MYH1: variants seen among roughly 807,000 people sequenced by gnomAD.
MYH1 encodes myosin-1.
Under a neutral mutation model 225.6 loss-of-function variants are expected in MYH1, and 214 were observed. The observed-to-expected ratio is 0.95, with a 90% CI of 0.85 to 1.06. The LOEUF (loss-of-function observed/expected upper bound fraction) is 1.06, where lower values mean the gene tolerates loss of function less well. MYH1 is among the 50% of genes least tolerant of loss of function. The pLI is 0.00. For missense variants in MYH1, 2,098 were observed against 2,344.2 expected (o/e 0.89, Z 2.17); for synonymous variants, 774 against 842.3 (o/e 0.92, Z 1.40).
chr17:10,517,182 T>C (rs762456241), intron 2 of MYH1, among the ~76,000 whole-genome samples: 28 of 152,254 alleles, frequency 1.8e-4, no homozygotes, highest in Non-Finnish European at 2.8e-4. Flanking sequence ...AAAAGAACAA[T>C]AGGAATATGT....
chr17:10,507,999 G>C (rs765976747), intron 16 of MYH1, 43 bp from the exon 17 acceptor site: 2 of 1,402,660 alleles, frequency 1.4e-6, no homozygotes, highest in South Asian at 2.5e-5. Context: ...CCTTTCTCTG[G>C]TTATGGTTTT....
rs931525527 is a variant in MYH1 at position 10,505,725 on chromosome 17, A to C, written c.2174+87T>G. On this transcript the variant is annotated intron_variant, in intron 19 of 39. Transcript: ENST00000226207. ...TGAGTTTATCTTCTCTTCAATTTTA[A>C]GAGGAGGTATAAAGGATTCTTTCAT... 25 of 1,537,910 alleles carry C rather than the reference A, an allele frequency of 1.6e-5. 1 individual carries two copies. Among genetic ancestry groups the C allele is most frequent in the Non-Finnish European group, 2.7e-6 (3 of 1,127,302 alleles).
Position 10,513,899 on chromosome 17 carries a change from A to G in MYH1, c.663T>C (p.Asp221=). ...TSGKMQGTLE[D]QIISANPLLE... ...GTAGGGGGTTGGCACTGATGATTTGATCTTCCAGAGTCCCCTGCAAAGGCA... is the reference window on the plus strand; with the variant it reads ...GTAGGGGGTTGGCACTGATGATTTGGTCTTCCAGAGTCCCCTGCAAAGGCA... Residue 221 remains aspartate (D), a synonymous_variant, in exon 8 of 40, where the codon GAT becomes GAC. Coordinates refer to ENST00000226207, the MANE Select transcript of MYH1 (RefSeq NM_005963.4). 6.2e-7 allele frequency: 1 copy of G among 1,614,100 alleles called. No homozygotes were observed. The highest frequency in any genetic ancestry group is 8.5e-7 in the Non-Finnish European group (1 of 1,179,980).
At chr17:10,515,614 G>T (rs146728613) in intron 5 of MYH1, among the ~76,000 whole-genome samples, 25 of 152,228 alleles carry the variant, frequency 1.6e-4, no homozygotes, top group African/African-American at 5.8e-4. Flanking sequence ...TGATTCAGTT[G>T]TTACTTAATC....
chr17:10,513,817 T>A lies in MYH1; in HGVS notation c.741+4A>T. On this transcript the variant is annotated splice_donor_region_variant and intron_variant, in intron 8 of 39. Coordinates refer to ENST00000226207, the MANE Select transcript of MYH1 (RefSeq NM_005963.4). ...GAAGACCCTTTGGCAACCAAGAGAC[T>A]TACAAAGCGAGAGGAGTTGTCATTC... 2 of 1,614,140 alleles carry A rather than the reference T, an allele frequency of 1.2e-6. No individual in the cohort carries two copies. The highest frequency in any genetic ancestry group is 1.1e-5 in the South Asian group (1 of 91,086).
At chr17:10,508,884 A>G (rs1489655124) in intron 15 of MYH1, among the ~76,000 whole-genome samples, 1 of 152,236 alleles carries the variant, frequency 6.6e-6, no homozygotes, top group Non-Finnish European at 1.5e-5. Context: ...CTGGGATATG[A>G]CAGAGTAAGA....
intron 17 of MYH1, 49 bp downstream of exon 17, chr17:10,507,837 T>A: frequency 6.6e-7 from 1 of 1,507,270 alleles, no homozygotes; most frequent in South Asian, 1.1e-5. Context: ...CACCATAGAG[T>A]ACATTTAATA....
rs2073126922 is a variant in MYH1, at chr17:10,507,699, C to G, written c.1968+187G>C. Among the ~76,000 whole-genome samples, 4 of 152,140 alleles carry G rather than the reference C, an allele frequency of 2.6e-5. No homozygotes were observed. In the South Asian group the frequency reaches 8.3e-4, roughly 32 times the overall value. On this transcript the variant is annotated intron_variant, in intron 17 of 39. Coordinates refer to ENST00000226207, the MANE Select transcript of MYH1 (RefSeq NM_005963.4). Reference sequence around the variant, plus strand: ...GTGTCTTCTGAATAGTGAGGTATCTCTTCCAAACTATCCCCTCTTCCAAAC... The same window carrying G: ...GTGTCTTCTGAATAGTGAGGTATCTGTTCCAAACTATCCCCTCTTCCAAAC...
At position 10,512,162 on chromosome 17, in the gene MYH1, A is replaced by C; in HGVS notation, c.1178T>G (p.Leu393Arg). The C allele has an allele frequency of 6.2e-7, 1 of 1,614,174 alleles. No individual in the cohort carries two copies. Among genetic ancestry groups the C allele is most frequent in the South Asian group, 1.1e-5 (1 of 91,084 alleles). Residue 393 changes from leucine to arginine, a missense_variant, in exon 13 of 40, where the codon CTG becomes CGG. Transcript: ENST00000226207. ...GGCTTTGAGCAGATCTGCAGAGTTC[A>C]GATTTTGGAGATAGGCTGCCTTGTC... ...VADKAAYLQN[L>R]NSADLLKALC...
intron 33 of MYH1, 100 bp downstream of exon 33, chr17:10,496,969 G>A (rs1263097593): frequency 1.0e-5 from 15 of 1,482,640 alleles, no homozygotes; most frequent in Admixed American, 2.2e-5. Flanking sequence ...AGTTCATGGA[G>A]CAAAAATTAT....
chr17:10,500,362 T>TTA lies in MYH1; in HGVS notation c.3865+262_3865+263dup, dbSNP rs111335253. Among the ~76,000 whole-genome samples the TTA allele has an allele frequency of 7.2e-3, 1,057 of 147,568 alleles. 2 individuals are homozygous for TTA. The highest frequency in any genetic ancestry group is 0.017 in the African/African-American group (686 of 40,468). On this transcript the variant is annotated intron_variant, in intron 28 of 39. Transcript: ENST00000226207. ...ATTCTATTTATCTCTCTCTCTCTCT[T>TTA]TATATATATATATATATGTATGTAT...
At chr17:10,497,497 A>T in intron 31 of MYH1, 45 bp from the exon 32 acceptor site, 1 of 1,576,610 alleles carries the variant, frequency 6.3e-7, no homozygotes, top group Non-Finnish European at 8.6e-7. Context: ...ACAAAATTTG[A>T]TGAGATAAAA....
chr17:10,509,617 A>C lies in MYH1; in HGVS notation c.1455T>G (p.Asn485Lys), dbSNP rs139784755. 6 of 1,614,056 alleles carry C rather than the reference A, an allele frequency of 3.7e-6. No individual in the cohort carries two copies. Among genetic ancestry groups the C allele is most frequent in the Non-Finnish European group, 1.7e-6 (2 of 1,180,038 alleles). Residue 485 changes from asparagine to lysine, a missense_variant, in exon 15 of 40, where the codon AAT (asparagine) becomes AAG (lysine). Asn to Lys is a moderately conservative substitution (Grantham distance 94, BLOSUM62 0). Coordinates refer to ENST00000226207, the MANE Select transcript of MYH1 (RefSeq NM_005963.4). ...SLEQLCINFTNEKLQQFFNHH... is the reference protein window; with the variant it reads ...SLEQLCINFTKEKLQQFFNHH... ...GGTTGAAAAACTGTTGCAGTTTCTCATTGGTGAAGTTGATGCACAGCTGCT... is the reference window on the plus strand; with the variant it reads ...GGTTGAAAAACTGTTGCAGTTTCTCCTTGGTGAAGTTGATGCACAGCTGCT...
chr17:10,502,618 A>G (rs2073069933), intron 24 of MYH1, 120 bp downstream of exon 24: 4 of 1,425,648 alleles, frequency 2.8e-6, no homozygotes, highest in East Asian at 4.8e-5. Context: ...ATGATGTTCC[A>G]TATTCCTCAT....
chr17:10,502,022 G>A, intron 24 of MYH1, 111 bp from the exon 25 acceptor site: 1 of 1,121,868 alleles, frequency 8.9e-7, no homozygotes. Context: ...TATGAATTAG[G>A]CAGATTTGTC....
rs2073174965 is a variant in MYH1 at position 10,512,070 on chromosome 17, T to G, written c.1266+4A>C. The G allele has an allele frequency of 6.2e-7, 1 of 1,613,974 alleles. No individual in the cohort carries two copies. Among genetic ancestry groups the G allele is most frequent in the African/African-American group, 1.3e-5 (1 of 74,934 alleles). On this transcript the variant is annotated splice_donor_region_variant and intron_variant, in intron 13 of 39. Transcript: ENST00000226207. ...TGTGTGATTCATTGAGGTCATGCACTTACCTGCTGCACAGTTTGACCTTTG... is the reference window on the plus strand; with the variant it reads ...TGTGTGATTCATTGAGGTCATGCACGTACCTGCTGCACAGTTTGACCTTTG...
In MYH1 at chr17:10,514,822, C is replaced by A. The variant is rs1428198279; in HGVS notation, c.533+46G>T. On this transcript the variant is annotated intron_variant, in intron 6 of 39. Coordinates refer to ENST00000226207, the MANE Select transcript of MYH1 (RefSeq NM_005963.4). ...TTTCTTTTTTTGGTTTGTCATTTTTCCAGTAAGAACAAACTGCCAATAAAT... is the reference window on the plus strand; with the variant it reads ...TTTCTTTTTTTGGTTTGTCATTTTTACAGTAAGAACAAACTGCCAATAAAT... 5.7e-6 allele frequency: 9 copies of A among 1,569,332 alleles called. No homozygotes were observed. The East Asian group carries it at 2.0e-4, about 35-fold the overall frequency.
In MYH1 at chr17:10,512,962, A is replaced by T; in HGVS notation, c.809T>A (p.Leu270His). 6.2e-7 allele frequency: 1 copy of T among 1,607,794 alleles called. No individual in the cohort carries two copies. Residue 270 changes from leucine (L) to histidine (H), a missense_variant, in exon 10 of 40, where the codon CTT (leucine) becomes CAT (histidine). By Grantham distance (99) the Leu-to-His change is moderately conservative (BLOSUM62 -3). Transcript: ENST00000226207. ...GAAAGTAACTCTAGACTTCTCCAGA[A>T]GATCTGCAACGGATAGTAGACATCA... The part of the protein sequence containing the change: ...KLASADIETY[L>H]LEKSRVTFQL...
chr17:10,494,999 G>A lies in MYH1; in HGVS notation c.5398C>T (p.Arg1800Cys), dbSNP rs377494042. The change falls in exon 37 of 40, where the codon CGT becomes TGT. Residue 1800 changes from arginine (R) to cysteine (C), a missense_variant. Arg to Cys is a radical substitution (Grantham distance 180). Transcript: ENST00000226207. ...GCCAGCTGCTCAGCCTCATCCAGAC[G>A]ATGCTGCAGGTCCTTCACCGTCTGT... ...LEQTVKDLQH[R>C]LDEAEQLALK... 1.2e-5 allele frequency: 19 copies of A among 1,614,070 alleles called. No homozygotes were observed. Among genetic ancestry groups the A allele is most frequent in the African/African-American group, 8.0e-5 (6 of 74,926 alleles).
Sources: allele counts gnomAD v4.1 joint callset (sites outside exome capture counted in the v4.1 genomes callset), GRCh38; gene constraint gnomAD v4.1.1; transcripts MANE v1.5; gene names NCBI Gene and HGNC (gene_info 2026-07-23, HGNC 2026-07-21).